KBTBD12: variants seen among roughly 807,000 people sequenced by gnomAD.
The protein encoded by KBTBD12 is kelch repeat and BTB domain-containing protein 12.
Under a neutral mutation model 58.7 loss-of-function variants are expected in KBTBD12, and 53 were observed. The observed-to-expected ratio is 0.90, with a 90% CI of 0.72 to 1.14. KBTBD12 has a LOEUF of 1.14. Among genes scored for constraint, KBTBD12 ranks in the 50% most tolerant of loss-of-function variants. KBTBD12 has a pLI of 0.00. For synonymous variants in KBTBD12, 236 were observed against 259.8 expected, an observed-to-expected ratio of 0.91 and a Z score of 0.88; for missense variants, 704 against 751.3, an observed-to-expected ratio of 0.94 and a Z score of 0.74.
intron 4 of KBTBD12, among the ~76,000 whole-genome samples, chr3:127,950,176 T>G (rs1309791942): frequency 6.6e-6 from 1 of 152,162 alleles, no homozygotes; most frequent in African/African-American, 2.4e-5. Flanking sequence ...AAAATAAAAT[T>G]ACAAAACATG....
At chr3:127,918,711 CAAAAA>C (rs56759676) in intron 1 of KBTBD12, among the ~76,000 whole-genome samples, 3 of 117,612 alleles carry the variant, frequency 2.6e-5, no homozygotes, top group African/African-American at 3.5e-5. Flanking sequence ...GACTCCGTCT[CAAAAA>C]AAAAAAAAAG....
chr3:127,984,753 T>C lies in KBTBD12; in HGVS notation c.*475T>C, dbSNP rs1186419870. ...CAGATTGCCTGGGGCACAGGGTTTG[T>C]GGTCAAGGCTGGAAAAGTAGGTTGT... On this transcript the variant is annotated 3_prime_UTR_variant, in exon 6 of 6. Coordinates refer to ENST00000405109, the MANE Select transcript of KBTBD12 (RefSeq NM_207335.4). 6.5e-6 allele frequency: 1 copy of C among 153,064 alleles called. No individual in the cohort carries two copies. Among genetic ancestry groups the C allele is most frequent in the African/African-American group, 2.4e-5 (1 of 41,452 alleles). 9.5% of individuals were successfully genotyped at this position (153,064 alleles called of 1,614,324 possible).
chr3:127,931,293 G>A (rs1294544716), intron 4 of KBTBD12, among the ~76,000 whole-genome samples: 1 of 152,094 alleles, frequency 6.6e-6, no homozygotes, highest in Non-Finnish European at 1.5e-5. Context: ...TCAAGCATTA[G>A]TAGTTATTTT....
intron 1 of KBTBD12, among the ~76,000 whole-genome samples, chr3:127,918,726 G>A (rs961209167): frequency 5.5e-5 from 8 of 146,238 alleles, no homozygotes; most frequent in Non-Finnish European, 7.7e-5. Flanking sequence ...AAAAAAAAAA[G>A]AAAAAGAAAA....
At chr3:127,971,299 C>G (rs926211679) in intron 5 of KBTBD12, among the ~76,000 whole-genome samples, 1 of 152,132 alleles carries the variant, frequency 6.6e-6, no homozygotes, top group East Asian at 1.9e-4. Context: ...ACCCTGTGGG[C>G]TTGGACAGAG....
At chr3:127,950,438 G>C (rs1223567208) in intron 4 of KBTBD12, among the ~76,000 whole-genome samples, 1 of 152,130 alleles carries the variant, frequency 6.6e-6, no homozygotes, top group Non-Finnish European at 1.5e-5. Flanking sequence ...TGGAAAGTAA[G>C]CCTTTTTAAA....
At chr3:127,983,281 TGA>T (rs1446561175) in intron 5 of KBTBD12, among the ~76,000 whole-genome samples, 3 of 152,214 alleles carry the variant, frequency 2.0e-5, no homozygotes, top group Non-Finnish European at 2.9e-5. Flanking sequence ...TGCTGTGGTT[TGA>T]GTTTGTTCTC....
intron 5 of KBTBD12, among the ~76,000 whole-genome samples, chr3:127,979,082 C>T (rs1014255657): frequency 1.3e-5 from 2 of 152,200 alleles, no homozygotes; most frequent in African/African-American, 4.8e-5. Flanking sequence ...GCCTACCTAA[C>T]TGGGTCAGTT....
At chr3:127,921,675 G>A (rs1406684449) in intron 1 of KBTBD12, among the ~76,000 whole-genome samples, 1 of 152,076 alleles carries the variant, frequency 6.6e-6, no homozygotes, top group Non-Finnish European at 1.5e-5. Flanking sequence ...GGAAGGAAGG[G>A]ATACAACAAA....
In KBTBD12 at chr3:127,982,786, G is replaced by A. The variant is rs1446959661; in HGVS notation, c.1691-1311G>A. Among the ~76,000 whole-genome samples the A allele has an allele frequency of 5.3e-5, 8 of 152,096 alleles. No homozygotes were observed. The East Asian group carries it at 7.7e-4, about 15-fold the overall frequency. ...AGCTCCAGTGCTCTCTCCCTCCCTCGCCTTCCAGGTCTAGGGACAGTGACA... is the reference window on the plus strand; with the variant it reads ...AGCTCCAGTGCTCTCTCCCTCCCTCACCTTCCAGGTCTAGGGACAGTGACA... On this transcript the variant is annotated intron_variant, in intron 5 of 5. Coordinates refer to ENST00000405109, the MANE Select transcript of KBTBD12 (RefSeq NM_207335.4).
At position 127,986,379 on chromosome 3, in the gene KBTBD12, C is replaced by T. The variant is rs559869440; in HGVS notation, c.*2101C>T. 1 of 152,726 alleles carries T rather than the reference C, an allele frequency of 6.5e-6. No homozygotes were observed. The highest frequency in any genetic ancestry group is 2.1e-4 in the South Asian group (1 of 4,818). The allele number at this position is 152,726 out of a possible 1,614,324, so 9.5% of individuals were successfully genotyped here. A position where few individuals can be genotyped will look rare whatever the true frequency, so the allele number is the denominator to read the frequency against. On this transcript the variant is annotated 3_prime_UTR_variant, in exon 6 of 6. Transcript: ENST00000405109. ...GTTTTAGCTGCCATTATTATCATCA[C>T]TGTCATTATCATTGCAGTCAGCACT...
intron 4 of KBTBD12, among the ~76,000 whole-genome samples, chr3:127,962,837 G>A (rs969014664): frequency 6.6e-6 from 1 of 152,218 alleles, no homozygotes; most frequent in African/African-American, 2.4e-5. Context: ...CAGCAAGGCA[G>A]ATGTCAAAGT....
intron 4 of KBTBD12, among the ~76,000 whole-genome samples, chr3:127,943,179 T>A (rs529741787): frequency 6.6e-6 from 1 of 152,346 alleles, no homozygotes; most frequent in African/African-American, 2.4e-5. Flanking sequence ...TTTGAGGTAC[T>A]GATTTCATTT....
At chr3:127,918,136 G>C (rs1240028700) in intron 1 of KBTBD12, among the ~76,000 whole-genome samples, 1 of 152,184 alleles carries the variant, frequency 6.6e-6, no homozygotes, top group African/African-American at 2.4e-5. Context: ...AACAGGGCAA[G>C]ACCCTGTCTC....
At chr3:127,962,936 C>T (rs932939588) in intron 4 of KBTBD12, among the ~76,000 whole-genome samples, 10 of 152,142 alleles carry the variant, frequency 6.6e-5, no homozygotes, top group African/African-American at 2.4e-4. Flanking sequence ...AGAATATAAG[C>T]CAGTGGTAGA....
intron 4 of KBTBD12, among the ~76,000 whole-genome samples, chr3:127,935,771 C>G (rs762498069): frequency 6.6e-6 from 1 of 152,042 alleles, no homozygotes; most frequent in Non-Finnish European, 1.5e-5. Context: ...ACACGCTAAT[C>G]AAAAGGCAAA....
intron 4 of KBTBD12, among the ~76,000 whole-genome samples, chr3:127,936,417 A>C (rs1444691570): frequency 6.6e-6 from 1 of 152,082 alleles, no homozygotes. Context: ...ACAATCATCA[A>C]TGGAGATTTA....
chr3:127,959,110 G>A (rs1254047682), intron 4 of KBTBD12, among the ~76,000 whole-genome samples: 1 of 152,052 alleles, frequency 6.6e-6, no homozygotes, highest in Non-Finnish European at 1.5e-5. Flanking sequence ...ATACGAGGTT[G>A]GAAAAAAATC....
At chr3:127,951,823 A>G (rs557088156) in intron 4 of KBTBD12, among the ~76,000 whole-genome samples, 30 of 152,358 alleles carry the variant, frequency 2.0e-4, no homozygotes, top group African/African-American at 7.2e-4. Flanking sequence ...GCAACAAAGT[A>G]TAACAAAGGT....
Sources: gnomAD v4.1 joint callset for allele counts (sites outside exome capture counted in the v4.1 genomes callset) on GRCh38, gnomAD v4.1.1 for gene constraint, MANE v1.5 for transcripts, NCBI Gene and HGNC (gene_info 2026-07-23, HGNC 2026-07-21) for gene names.